The following DLC1 variants were observed in gnomAD, a reference collection of about 807,000 sequenced individuals.
DLC1 encodes the protein DLC1 Rho GTPase activating protein.
A neutral mutation model predicts 140.3 loss-of-function variants in DLC1; 54 were observed. The observed-to-expected ratio is 0.38, with a 90% CI of 0.31 to 0.48. DLC1 has a LOEUF of 0.48. DLC1 is among the 20% of genes least tolerant of loss of function. The probability of loss-of-function intolerance (pLI) is 0.96; values close to 1 mark genes in which losing one functional copy is unlikely to be tolerated. For missense variants in DLC1, 2,536 were observed against 1,907.0 expected, an observed-to-expected ratio of 1.33 and a Z score of -6.14; for synonymous variants, 986 against 728.1, an observed-to-expected ratio of 1.35 and a Z score of -5.70.
chr8:13,604,026 A>AT (rs567850400), intron 1 of DLC1, among the ~76,000 whole-genome samples: 2 of 152,186 alleles, frequency 1.3e-5, no homozygotes, highest in Non-Finnish European at 2.9e-5. Flanking sequence ...ATATAAAAAT[A>AT]TTTTTTTCTA....
chr8:13,247,096 C>A (rs1042051917), intron 5 of DLC1, among the ~76,000 whole-genome samples: 1 of 152,192 alleles, frequency 6.6e-6, no homozygotes, highest in Non-Finnish European at 1.5e-5. Flanking sequence ...AAATAAGCTG[C>A]TTTTTATAAG....
intron 1 of DLC1, among the ~76,000 whole-genome samples, chr8:13,563,624 A>G (rs1804323618): frequency 6.6e-6 from 1 of 152,116 alleles, no homozygotes; most frequent in Non-Finnish European, 1.5e-5. Context: ...TTTTTGAAGG[A>G]TCTGTCAATT....
chr8:13,539,443 G>A (rs1988610), intron 1 of DLC1, among the ~76,000 whole-genome samples: 42,919 of 151,780 alleles, frequency 0.28, 6,302 homozygotes, highest in South Asian at 0.29. Flanking sequence ...CTCGTGATCC[G>A]TCCACCTCGG....
At chr8:13,325,277 C>G (rs1833291248) in intron 4 of DLC1, among the ~76,000 whole-genome samples, 1 of 152,196 alleles carries the variant, frequency 6.6e-6, no homozygotes, top group African/African-American at 2.4e-5. Flanking sequence ...TTTTGGTTTT[C>G]AGAACAGAGC....
chr8:13,348,224 G>A (rs1000988775), intron 4 of DLC1, among the ~76,000 whole-genome samples: 3 of 152,212 alleles, frequency 2.0e-5, no homozygotes, highest in Non-Finnish European at 2.9e-5. Context: ...GTGGGATACA[G>A]CCTGGCTTCC....
intron 1 of DLC1, among the ~76,000 whole-genome samples, chr8:13,553,672 C>T (rs1245824423): frequency 6.6e-6 from 1 of 151,806 alleles, no homozygotes; most frequent in African/African-American, 2.4e-5. Flanking sequence ...TTCTGTCCCC[C>T]TTCATGGCAA....
intron 2 of DLC1, among the ~76,000 whole-genome samples, chr8:13,481,891 C>T (rs150663050): frequency 3.9e-5 from 6 of 152,110 alleles, no homozygotes; most frequent in Non-Finnish European, 8.8e-5. Flanking sequence ...CACACACACA[C>T]GAAGAAGCCC....
chr8:13,201,301 T>A (rs1420586600), intron 5 of DLC1, among the ~76,000 whole-genome samples: 1 of 152,194 alleles, frequency 6.6e-6, no homozygotes, highest in South Asian at 2.1e-4. Context: ...GTCAAACTGC[T>A]ATTTTAATGA....
chr8:13,305,053 CAT>C lies in DLC1; in HGVS notation c.1348+214_1348+215del, dbSNP rs1224913793. On this transcript the variant is annotated intron_variant, in intron 5 of 17. Transcript: ENST00000276297. ...GTTACAAGGAAGACCCCAAGAAACACATATCTTATTCTAACACAATGTCATTA... is the reference window on the plus strand; with the variant it reads ...GTTACAAGGAAGACCCCAAGAAACACATCTTATTCTAACACAATGTCATTA... The C allele has an allele frequency of 4.2e-6, 5 of 1,191,512 alleles. No homozygotes were observed. In the African/African-American group the frequency reaches 7.9e-5, roughly 19 times the overall value. The allele number at this position is 1,191,512 out of a possible 1,614,324, so 73.8% of individuals were successfully genotyped here.
chr8:13,598,934 A>G (rs1208130899), intron 1 of DLC1, among the ~76,000 whole-genome samples: 2 of 151,928 alleles, frequency 1.3e-5, no homozygotes, highest in East Asian at 1.9e-4. Context: ...ATGAAATTGT[A>G]TATGTAATAT....
At chr8:13,161,738 C>T (rs1824718181) in intron 5 of DLC1, among the ~76,000 whole-genome samples, 1 of 152,176 alleles carries the variant, frequency 6.6e-6, no homozygotes, top group Non-Finnish European at 1.5e-5. Flanking sequence ...GGAGAGAACG[C>T]TTCCTTGTGG....
intron 2 of DLC1, among the ~76,000 whole-genome samples, chr8:13,414,014 T>C (rs1837932576): frequency 6.6e-6 from 1 of 152,052 alleles, no homozygotes; most frequent in Non-Finnish European, 1.5e-5. Flanking sequence ...ATCAGTGATA[T>C]AAAAATAAAC....
intron 2 of DLC1, among the ~76,000 whole-genome samples, chr8:13,418,911 C>A (rs1256607359): frequency 6.6e-6 from 1 of 151,924 alleles, no homozygotes; most frequent in Non-Finnish European, 1.5e-5. Flanking sequence ...TTGTAGTTCT[C>A]CTTGAAGAGG....
intron 1 of DLC1, among the ~76,000 whole-genome samples, chr8:13,586,567 A>G (rs1249654895): frequency 1.3e-5 from 2 of 148,902 alleles, no homozygotes; most frequent in African/African-American, 5.0e-5. Flanking sequence ...TTAAATATTT[A>G]GAGAATAATG....
intron 4 of DLC1, among the ~76,000 whole-genome samples, chr8:13,387,491 AT>A (rs143194731): frequency 6.6e-6 from 1 of 151,228 alleles, no homozygotes; most frequent in Admixed American, 6.6e-5. Context: ...GAATTTCAAG[AT>A]TTTTTTTTCA....
chr8:13,348,408 G>T (rs886395235), intron 4 of DLC1, among the ~76,000 whole-genome samples: 58 of 152,174 alleles, frequency 3.8e-4, no homozygotes, highest in African/African-American at 1.4e-3. Flanking sequence ...AGAGGATAGG[G>T]TCCTACTGAA....
rs1441793551 is a variant in DLC1, at chr8:13,500,088, A to C, written c.-17T>G. ...TACAGACATGTCATCGTAGTTTAACAACAGACAGAGAGATATATTCCATAT... is the reference window on the plus strand; with the variant it reads ...TACAGACATGTCATCGTAGTTTAACCACAGACAGAGAGATATATTCCATAT... On this transcript the variant is annotated 5_prime_UTR_variant, in exon 2 of 18. Transcript: ENST00000276297. 1 of 1,599,566 alleles carries C rather than the reference A, an allele frequency of 6.3e-7. No homozygotes were observed. The highest frequency in any genetic ancestry group is 1.3e-5 in the African/African-American group (1 of 74,660).
intron 4 of DLC1, among the ~76,000 whole-genome samples, chr8:13,360,182 C>T (rs1455675557): frequency 6.6e-6 from 1 of 152,066 alleles, no homozygotes; most frequent in African/African-American, 2.4e-5. Context: ...GAAGATAATA[C>T]CTGCCTGGTT....
At position 13,085,727 on chromosome 8, in the gene DLC1, G is replaced by C; in HGVS notation, c.*84C>G. 2.5e-6 allele frequency: 4 copies of C among 1,578,924 alleles called. No homozygotes were observed. The highest frequency in any genetic ancestry group is 3.4e-6 in the Non-Finnish European group (4 of 1,162,364). On this transcript the variant is annotated 3_prime_UTR_variant, in exon 18 of 18. Coordinates refer to ENST00000276297, the MANE Select transcript of DLC1 (RefSeq NM_182643.3). ...TGTAGTTTTCTTTGTTTCAGGATTA[G>C]ACACAGAACCCATTCTTCAAGGACT...
Sources: allele counts gnomAD v4.1 joint callset (sites outside exome capture counted in the v4.1 genomes callset), GRCh38; gene constraint gnomAD v4.1.1; transcripts MANE v1.5; gene names NCBI Gene and HGNC (gene_info 2026-07-23, HGNC 2026-07-21).